The following SYNJ2 variants were observed in gnomAD, a reference collection of about 807,000 sequenced individuals.
SYNJ2 encodes polyphosphatidylinositol phosphatase SYNJ2.
SYNJ2 carries 116 observed loss-of-function variants against 141.3 expected under a neutral mutation model. That is an observed-to-expected ratio of 0.82 (90% CI 0.71 to 0.96). The LOEUF (loss-of-function observed/expected upper bound fraction) is 0.96, where lower values mean the gene tolerates loss of function less well. Ranked by LOEUF, SYNJ2 falls within the 40% of genes least tolerant of loss-of-function variation. SYNJ2 has a pLI of 0.00. For missense variants in SYNJ2, 1,873 were observed against 1,934.8 expected, an observed-to-expected ratio of 0.97 and a Z score of 0.60; for synonymous variants, 745 against 777.7, an observed-to-expected ratio of 0.96 and a Z score of 0.70.
chr6:158,025,385 G>A (rs934841778), intron 2 of SYNJ2, among the ~76,000 whole-genome samples: 1 of 152,124 alleles, frequency 6.6e-6, no homozygotes, highest in East Asian at 1.9e-4. Flanking sequence ...TCTTTTAAAG[G>A]GTACAGCAGG....
In SYNJ2 at chr6:158,006,205, ACGCACACACATG is replaced by A. The variant is rs1275324312; in HGVS notation, c.128-10989_128-10978del. 7.9e-5 allele frequency among the ~76,000 whole-genome samples: 12 copies of A among 151,396 alleles called. No homozygotes were observed. In the East Asian group the frequency reaches 1.5e-3, roughly 19 times the overall value. The stretch of plus-strand genomic sequence containing the variant: ...CACACGCACACATGCACATATGCAC[ACGCACACACATG>A]CGCACACACGTATGCACACACGCAC... On this transcript the variant is annotated intron_variant, in intron 1 of 26. Coordinates refer to ENST00000355585, the MANE Select transcript of SYNJ2 (RefSeq NM_003898.4).
At chr6:158,008,701 G>C (rs1354448009) in intron 1 of SYNJ2, among the ~76,000 whole-genome samples, 1 of 152,224 alleles carries the variant, frequency 6.6e-6, no homozygotes, top group Non-Finnish European at 1.5e-5. Context: ...ATGTGTGTCT[G>C]TCTGTCTGTC....
chr6:158,055,061 A>C, intron 6 of SYNJ2, 33 bp downstream of exon 6: 2 of 1,610,896 alleles, frequency 1.2e-6, no homozygotes, highest in Non-Finnish European at 1.7e-6. Context: ...CAAGCCTGTC[A>C]TTGTCATCCT....
chr6:158,038,710 G>A (rs1562346857), intron 4 of SYNJ2, among the ~76,000 whole-genome samples: 1 of 152,248 alleles, frequency 6.6e-6, no homozygotes, highest in African/African-American at 2.4e-5. Context: ...GGGCAGTGGT[G>A]GTGTGATGGG....
intron 16 of SYNJ2, 101 bp downstream of exon 16, chr6:158,074,839 A>T: frequency 7.3e-7 from 1 of 1,364,782 alleles, no homozygotes; most frequent in Non-Finnish European, 1.0e-6. Context: ...CCGTGAGTGG[A>T]TTTCACTGTT....
At position 158,033,409 on chromosome 6, in the gene SYNJ2, G is replaced by A. The variant is rs761833933; in HGVS notation, c.486-46G>A. 5 of 1,594,020 alleles carry A rather than the reference G, an allele frequency of 3.1e-6. No individual in the cohort carries two copies. The East Asian group carries it at 6.7e-5, about 22-fold the overall frequency. On this transcript the variant is annotated intron_variant, in intron 3 of 26. Coordinates refer to ENST00000355585, the MANE Select transcript of SYNJ2 (RefSeq NM_003898.4). ...ACTCGCTGTCCAGGCAGCATGTATT[G>A]GAGGATGTCAAGTGACTGGAATTGG...
At chr6:158,064,006 T>A in intron 9 of SYNJ2, 134 bp downstream of exon 9, 1 of 895,038 alleles carries the variant, frequency 1.1e-6, no homozygotes, top group South Asian at 1.6e-5. Flanking sequence ...ATGGGGAAGG[T>A]GGACAGGGAG....
At chr6:158,003,788 C>T (rs762599560) in intron 1 of SYNJ2, among the ~76,000 whole-genome samples, 9 of 152,114 alleles carry the variant, frequency 5.9e-5, no homozygotes, top group Non-Finnish European at 1.3e-4. Context: ...GCCTCTGCCT[C>T]GGGATGGTCT....
At chr6:158,019,437 A>T (rs906025422) in intron 2 of SYNJ2, among the ~76,000 whole-genome samples, 19 of 152,134 alleles carry the variant, frequency 1.2e-4, no homozygotes, top group Non-Finnish European at 1.5e-5. Flanking sequence ...GTGATCTAAG[A>T]TCAGCTGTGG....
In SYNJ2 at chr6:158,066,633, A is replaced by C. The variant is rs1201508860; in HGVS notation, c.1715A>C (p.Gln572Pro). 1 of 1,613,290 alleles carries C rather than the reference A, an allele frequency of 6.2e-7. No homozygotes were observed. The highest frequency in any genetic ancestry group is 1.7e-5 in the Admixed American group (1 of 60,030). ...CAGCTCTCGGGAGCTACCGACTCCC[A>C]GGGTGAGGGCAGTGACTTTGGGGGA... ...SPQLSGATDS[Q>P]DDSSPADIFA... The change falls in exon 12 of 27, where the codon CAG (glutamine) becomes CCG (proline). Residue 572 changes from glutamine (Q) to proline (P), a missense_variant and splice_region_variant. Gln to Pro is a moderately conservative substitution (Grantham distance 76). Transcript: ENST00000355585.
At chr6:158,011,013 G>A (rs1778247005) in intron 1 of SYNJ2, among the ~76,000 whole-genome samples, 1 of 150,714 alleles carries the variant, frequency 6.6e-6, no homozygotes, top group African/African-American at 2.4e-5. Flanking sequence ...GGAGAGAATG[G>A]CCACATAATG....
chr6:158,035,727 T>C (rs901630940), intron 4 of SYNJ2, among the ~76,000 whole-genome samples: 2 of 152,182 alleles, frequency 1.3e-5, no homozygotes, highest in Admixed American at 1.3e-4. Context: ...GGCATCCTTG[T>C]CCTGTGCTGG....
rs192485537 is a variant in SYNJ2, at chr6:158,045,153, G to A, written c.795+1754G>A. On this transcript the variant is annotated intron_variant, in intron 5 of 26. Transcript: ENST00000355585. ...GATGGAGTCTCACTCTGTTGCCCAG[G>A]CTGGAGTGCAGTGGTGCAATCTCGG... Among the ~76,000 whole-genome samples the A allele has an allele frequency of 4.8e-3, 693 of 144,616 alleles. 7 individuals carry two copies. Among genetic ancestry groups the A allele is most frequent in the South Asian group, 9.4e-3 (42 of 4,446 alleles). 94.9% of individuals were successfully genotyped at this position (144,616 alleles called of 152,430 possible).
upstream of SYNJ2, chr6:157,981,749 G>A: frequency 2.8e-6 from 1 of 352,496 alleles, no homozygotes. This position sits in a 1 kb window ranked among gnomAD's most constrained non-coding sequence, Gnocchi z 6.4. Context: ...GGGCCGGGCG[G>A]GAGGCGGCGG....
At position 158,076,728 on chromosome 6, in the gene SYNJ2, G is replaced by C. The variant is rs766909086; in HGVS notation, c.2395G>C (p.Ala799Pro). The change falls in exon 17 of 27, where the codon GCC becomes CCC. Residue 799 changes from alanine (A) to proline (P), a missense_variant. Ala to Pro is a conservative substitution (Grantham distance 27). Transcript: ENST00000355585. ...TACAAGCGACAAATGCCGCACCCCC[G>C]CCTGGACAGACAGGGTGCTGTGGTG... is the stretch of plus-strand genomic sequence containing the variant. ...YDTSDKCRTP[A>P]WTDRVLWWRK... is the part of the protein sequence containing the mutation. 7 of 1,614,126 alleles carry C rather than the reference G, an allele frequency of 4.3e-6. No homozygotes were observed. Among genetic ancestry groups the C allele is most frequent in the South Asian group, 3.3e-5 (3 of 91,076 alleles).
At chr6:157,994,840 T>C (rs1330475341) in intron 1 of SYNJ2, among the ~76,000 whole-genome samples, 1 of 152,312 alleles carries the variant, frequency 6.6e-6, no homozygotes, top group African/African-American at 2.4e-5. Context: ...ATGATTTCCA[T>C]GAGGATGTTG....
chr6:158,095,242 A>G (rs1783730730), intron 26 of SYNJ2, among the ~76,000 whole-genome samples: 1 of 151,726 alleles, frequency 6.6e-6, no homozygotes. Flanking sequence ...AGCATGATAC[A>G]GACCATGAAT....
chr6:158,003,142 C>T (rs561406854), intron 1 of SYNJ2, among the ~76,000 whole-genome samples: 181 of 152,260 alleles, frequency 1.2e-3, no homozygotes, highest in African/African-American at 4.0e-3. Context: ...GTGGGCATGG[C>T]GTTGGTGGGA....
rs1355273239 is a variant in SYNJ2, at chr6:158,081,585, C to T, written c.2865+75C>T. 10 of 899,400 alleles carry T rather than the reference C, an allele frequency of 1.1e-5. No homozygotes were observed. The South Asian group carries it at 1.2e-4, about 11-fold the overall frequency. The allele number at this position is 899,400 out of a possible 1,614,324, so 55.7% of individuals were successfully genotyped here. A position where few individuals can be genotyped will look rare whatever the true frequency, so the allele number is the denominator to read the frequency against. ...TTTTATGTGGGCATGTCTTCTTCCT[C>T]CTCTTGCCCTGACCTGTGCCTTTTT... On this transcript the variant is annotated intron_variant, in intron 20 of 26. Coordinates refer to ENST00000355585, the MANE Select transcript of SYNJ2 (RefSeq NM_003898.4).
Sources: allele counts gnomAD v4.1 joint callset (sites outside exome capture counted in the v4.1 genomes callset), GRCh38; gene constraint gnomAD v4.1.1; non-coding constraint Gnocchi (gnomAD v3.1); transcripts MANE v1.5; gene names NCBI Gene and HGNC (gene_info 2026-07-23, HGNC 2026-07-21).